PRUNE2: variants seen among roughly 807,000 people sequenced by gnomAD.
PRUNE2 encodes protein prune homolog 2.
PRUNE2 carries 164 observed loss-of-function variants against 252.0 expected under a neutral mutation model. The observed-to-expected ratio is 0.65, with a 90% CI of 0.57 to 0.74. The LOEUF (loss-of-function observed/expected upper bound fraction) is 0.74. PRUNE2 is among the 30% of genes least tolerant of loss of function. The pLI is 0.00. For missense variants in PRUNE2, 3,495 were observed against 3,711.0 expected (o/e 0.94, Z 1.51); for synonymous variants, 1,292 against 1,350.2 (o/e 0.96, Z 0.94).
chr9:76,875,694 CA>C (rs146607663), intron 1 of PRUNE2, among the ~76,000 whole-genome samples: 8 of 152,118 alleles, frequency 5.3e-5, no homozygotes, highest in Non-Finnish European at 1.2e-4. Context: ...TGTGTGAGTC[CA>C]AAGTCTCAAG....
intron 9 of PRUNE2, chr9:76,692,157 T>G: frequency 1.4e-6 from 1 of 717,364 alleles, no homozygotes; most frequent in Non-Finnish European, 2.6e-6. Flanking sequence ...TTCTGAGCAG[T>G]TAACTGGAAA....
intron 9 of PRUNE2, among the ~76,000 whole-genome samples, chr9:76,665,161 A>G (rs1361612399): frequency 6.6e-6 from 1 of 152,000 alleles, no homozygotes; most frequent in African/African-American, 2.4e-5. Flanking sequence ...CTTTCAATTC[A>G]CCACTTCAGG....
At chr9:76,627,559 A>G (rs1835476467) in intron 16 of PRUNE2, among the ~76,000 whole-genome samples, 1 of 152,152 alleles carries the variant, frequency 6.6e-6, no homozygotes, top group Admixed American at 6.5e-5. Context: ...GATCTAATGA[A>G]CACTCCGTTT....
chr9:76,668,638 G>A (rs2040680241), intron 9 of PRUNE2, among the ~76,000 whole-genome samples: 2 of 152,046 alleles, frequency 1.3e-5, no homozygotes, highest in Admixed American at 1.3e-4. Context: ...CCTGAACTCT[G>A]GGAGCCCCTC....
intron 6 of PRUNE2, among the ~76,000 whole-genome samples, chr9:76,732,787 G>C (rs1309199695): frequency 2.0e-5 from 3 of 152,198 alleles, no homozygotes; most frequent in Admixed American, 2.0e-4. Context: ...ACCTCCAGCA[G>C]CCACTGGACC....
At chr9:76,732,918 C>T (rs1231937934) in intron 6 of PRUNE2, among the ~76,000 whole-genome samples, 1 of 152,178 alleles carries the variant, frequency 6.6e-6, no homozygotes, top group Admixed American at 6.5e-5. Flanking sequence ...CAACAGACCA[C>T]CGATTTCTCT....
At chr9:76,757,478 A>C (rs1324065026) in intron 6 of PRUNE2, among the ~76,000 whole-genome samples, 1 of 152,196 alleles carries the variant, frequency 6.6e-6, no homozygotes, top group African/African-American at 2.4e-5. Context: ...TAGGATTCAG[A>C]CTGAAATTTC....
intron 6 of PRUNE2, among the ~76,000 whole-genome samples, chr9:76,793,202 C>T (rs1001448991): frequency 6.6e-6 from 1 of 152,120 alleles, no homozygotes; most frequent in Non-Finnish European, 1.5e-5. Context: ...TAAAGGGACA[C>T]CGTTTCAAAC....
chr9:76,772,845 A>C (rs1479131729), intron 6 of PRUNE2, among the ~76,000 whole-genome samples: 3 of 152,194 alleles, frequency 2.0e-5, no homozygotes, highest in Non-Finnish European at 2.9e-5. Flanking sequence ...ATTAACAGGC[A>C]TGAGCCACTG....
intron 6 of PRUNE2, among the ~76,000 whole-genome samples, chr9:76,774,460 T>TATTTATTTATTTATTTA (rs1564272674): frequency 9.4e-5 from 13 of 138,660 alleles, no homozygotes; most frequent in Middle Eastern, 3.5e-3. Flanking sequence ...CTTTTTTTTT[T>TATTTATTTATTTATTTA]TTTTTTTTTT....
At chr9:76,867,930 A>G (rs1468599279) in intron 1 of PRUNE2, among the ~76,000 whole-genome samples, 4 of 152,120 alleles carry the variant, frequency 2.6e-5, no homozygotes, top group Non-Finnish European at 5.9e-5. Flanking sequence ...TCTTGTGTAC[A>G]TGTATCTAAA....
At chr9:76,825,853 C>T (rs1334885379) in intron 5 of PRUNE2, among the ~76,000 whole-genome samples, 1 of 152,206 alleles carries the variant, frequency 6.6e-6, no homozygotes, top group Non-Finnish European at 1.5e-5. Context: ...ATTCACTGTC[C>T]TGACAAAGCC....
chr9:76,787,276 T>G (rs2055083211), intron 6 of PRUNE2: 1 of 151,376 alleles, frequency 6.6e-6, no homozygotes, highest in Admixed American at 6.6e-5. Context: ...TTATTATTAT[T>G]ATTTTCTTTT....
chr9:76,630,819 C>T (rs967409981), intron 15 of PRUNE2, among the ~76,000 whole-genome samples: 1 of 152,248 alleles, frequency 6.6e-6, no homozygotes, highest in Non-Finnish European at 1.5e-5. Context: ...AGCCTCTGCA[C>T]CCGGCCTGCA....
intron 6 of PRUNE2, among the ~76,000 whole-genome samples, chr9:76,773,438 CTTT>C (rs35078779): frequency 0.054 from 5,861 of 107,598 alleles, 282 homozygotes; most frequent in African/African-American, 0.19. Context: ...ACTAGTACAT[CTTT>C]TTTTTTTTTT....
At chr9:76,837,033 A>C (rs554425993) in intron 4 of PRUNE2, among the ~76,000 whole-genome samples, 5 of 152,366 alleles carry the variant, frequency 3.3e-5, no homozygotes, top group Admixed American at 3.3e-4. Context: ...AAAGATTCAA[A>C]TATGATTGAA....
chr9:76,905,926 ACCAGT>A lies in PRUNE2; in HGVS notation c.33_36+1del, dbSNP rs764469225. On this transcript the variant is annotated splice_donor_variant and coding_sequence_variant, in exon 1 of 19. Transcript: ENST00000376718. LOFTEE classifies it high-confidence loss of function. ...ACACACAGCTTTGCTCACTCAACTTACCAGTTTAGATTTGGCGCGTTGCAAAAATT... is the reference window on the plus strand; with the variant it reads ...ACACACAGCTTTGCTCACTCAACTTATTAGATTTGGCGCGTTGCAAAAATT... 1.1e-5 allele frequency: 17 copies of A among 1,613,824 alleles called. No homozygotes were observed. Among genetic ancestry groups the A allele is most frequent in the Middle Eastern group, 1.6e-4 (1 of 6,062 alleles).
At chr9:76,667,982 G>A (rs565192178) in intron 9 of PRUNE2, among the ~76,000 whole-genome samples, 47 of 152,322 alleles carry the variant, frequency 3.1e-4, no homozygotes, top group East Asian at 3.9e-4. Flanking sequence ...TTTGACAACC[G>A]CTGTCCTAGA....
At chr9:76,785,883 A>T (rs2054923274) in intron 6 of PRUNE2, 1 of 152,188 alleles carries the variant, frequency 6.6e-6, no homozygotes, top group Admixed American at 6.5e-5. Flanking sequence ...ATTCTCCAGT[A>T]AATGTGATAA....
Sources: gnomAD v4.1 joint callset for allele counts (sites outside exome capture counted in the v4.1 genomes callset) on GRCh38, gnomAD v4.1.1 for gene constraint, MANE v1.5 for transcripts, NCBI Gene and HGNC (gene_info 2026-07-23, HGNC 2026-07-21) for gene names.